The following ESRRG variants were observed in gnomAD, a reference collection of about 807,000 sequenced individuals.
The protein encoded by ESRRG is estrogen-related receptor gamma.
In ESRRG, 13 loss-of-function variants were observed where a neutral mutation model predicts 44.0. That is an observed-to-expected ratio of 0.30 (90% CI 0.19 to 0.47). ESRRG has a LOEUF of 0.47. Among genes scored for constraint, ESRRG ranks in the 20% least tolerant of loss-of-function variants. ESRRG has a pLI of 1.00. For synonymous variants in ESRRG, 215 were observed against 214.6 expected, an observed-to-expected ratio of 1.00 and a Z score of -0.02; for missense variants, 395 against 580.6, an observed-to-expected ratio of 0.68 and a Z score of 3.29.
chr1:217,098,245 CAG>C (rs1389150167), intron 1 of ESRRG, among the ~76,000 whole-genome samples: 1 of 152,106 alleles, frequency 6.6e-6, no homozygotes, highest in Non-Finnish European at 1.5e-5. Context: ...GAACCCTAGA[CAG>C]AGTCATCACA....
At chr1:216,708,381 A>G (rs1000789461) in intron 1 of ESRRG, among the ~76,000 whole-genome samples, 4 of 152,232 alleles carry the variant, frequency 2.6e-5, no homozygotes, top group Admixed American at 2.6e-4. Context: ...GTATTCTTTT[A>G]GTTAAGTTTA....
intron 1 of ESRRG, among the ~76,000 whole-genome samples, chr1:217,016,068 G>A (rs1222078178): frequency 1.3e-5 from 2 of 151,992 alleles, no homozygotes; most frequent in African/African-American, 4.8e-5. Flanking sequence ...GGAGTAGACT[G>A]GAAGGGAGAT....
At chr1:217,044,158 G>A (rs1041691103) in intron 1 of ESRRG, among the ~76,000 whole-genome samples, 25 of 152,144 alleles carry the variant, frequency 1.6e-4, no homozygotes, top group African/African-American at 5.8e-4. Context: ...CTCAAGGCAC[G>A]TCTTCTTCCT....
At chr1:217,073,474 T>C (rs2090871375) in intron 1 of ESRRG, among the ~76,000 whole-genome samples, 1 of 152,122 alleles carries the variant, frequency 6.6e-6, no homozygotes, top group Admixed American at 6.5e-5. Flanking sequence ...AATCAACAAA[T>C]AGTTACTGAG....
At chr1:216,821,342 C>A (rs1023850566) in intron 2 of ESRRG, among the ~76,000 whole-genome samples, 1 of 152,004 alleles carries the variant, frequency 6.6e-6, no homozygotes, top group Non-Finnish European at 1.5e-5. Context: ...TCCCACTGAA[C>A]CATTTGAAAT....
chr1:216,916,320 T>A (rs187093445), intron 2 of ESRRG, among the ~76,000 whole-genome samples: 1 of 152,364 alleles, frequency 6.6e-6, no homozygotes, highest in Non-Finnish European at 1.5e-5. Context: ...ATTTGTTTCA[T>A]GTCACCGTTC....
intron 5 of ESRRG, among the ~76,000 whole-genome samples, chr1:216,541,249 T>C (rs1558369697): frequency 6.6e-6 from 1 of 152,038 alleles, no homozygotes; most frequent in African/African-American, 2.4e-5. Context: ...ATATTTTAAT[T>C]GTGCTTCTTA....
chr1:216,954,504 A>G (rs1560244979), intron 1 of ESRRG, among the ~76,000 whole-genome samples: 1 of 152,168 alleles, frequency 6.6e-6, no homozygotes, highest in Non-Finnish European at 1.5e-5. Context: ...ACAAGAGCAG[A>G]GTGCATTATG....
At chr1:216,815,888 T>A (rs2095120654) in intron 2 of ESRRG, among the ~76,000 whole-genome samples, 1 of 152,176 alleles carries the variant, frequency 6.6e-6, no homozygotes. Context: ...ATTGGCCATA[T>A]GTTATTTGGT....
intron 2 of ESRRG, among the ~76,000 whole-genome samples, chr1:216,937,886 C>G (rs371299796): frequency 6.7e-6 from 1 of 150,292 alleles, no homozygotes; most frequent in Admixed American, 6.7e-5. Flanking sequence ...ATAGATTTAC[C>G]TTTTCCAAAC....
intron 2 of ESRRG, among the ~76,000 whole-genome samples, chr1:216,811,821 G>A (rs2094980233): frequency 6.6e-6 from 1 of 152,148 alleles, no homozygotes; most frequent in Admixed American, 6.6e-5. Context: ...TGAAAAAAGG[G>A]TTTCCATTTT....
At chr1:216,571,898 A>C (rs1304845332) in intron 3 of ESRRG, among the ~76,000 whole-genome samples, 1 of 152,158 alleles carries the variant, frequency 6.6e-6, no homozygotes, top group Non-Finnish European at 1.5e-5. Flanking sequence ...GGGACTCCAC[A>C]TGCAATATTA....
chr1:216,886,512 G>A (rs2096520210), intron 2 of ESRRG, among the ~76,000 whole-genome samples: 1 of 152,150 alleles, frequency 6.6e-6, no homozygotes, highest in African/African-American at 2.4e-5. Context: ...AAAAAGTATA[G>A]TAAAGAATTG....
chr1:216,784,859 T>G (rs1262439336), intron 2 of ESRRG, among the ~76,000 whole-genome samples: 7 of 152,072 alleles, frequency 4.6e-5, no homozygotes, highest in African/African-American at 1.2e-4. Flanking sequence ...GAATTATTCA[T>G]GCACTCCGAT....
chr1:217,071,976 G>A (rs1272136283), intron 1 of ESRRG, among the ~76,000 whole-genome samples: 1 of 152,088 alleles, frequency 6.6e-6, no homozygotes, highest in Non-Finnish European at 1.5e-5. Flanking sequence ...TAAACCAACT[G>A]GTATGTTGCC....
chr1:217,027,317 C>T (rs898015202), intron 1 of ESRRG, among the ~76,000 whole-genome samples: 15 of 152,098 alleles, frequency 9.9e-5, no homozygotes, highest in Admixed American at 9.2e-4. Context: ...ACAAGCACCC[C>T]CTTAGAGAAG....
intron 1 of ESRRG, among the ~76,000 whole-genome samples, chr1:217,005,816 G>A (rs1021404832): frequency 2.0e-5 from 3 of 152,102 alleles, no homozygotes; most frequent in Non-Finnish European, 2.9e-5. Flanking sequence ...AAGTCAAGTA[G>A]CCTATACAAA....
intron 1 of ESRRG, among the ~76,000 whole-genome samples, chr1:217,039,841 T>G (rs950617567): frequency 6.6e-6 from 1 of 152,086 alleles, no homozygotes; most frequent in East Asian, 1.9e-4. Context: ...GAAGACTGGC[T>G]TTTGTTTTTT....
In ESRRG at chr1:216,773,257, G is replaced by A. The variant is rs142623477; in HGVS notation, c.-13-95766C>T. 2.0e-3 allele frequency among the ~76,000 whole-genome samples: 299 copies of A among 152,206 alleles called. 2 individuals carry two copies. The highest frequency in any genetic ancestry group is 5.8e-3 in the Admixed American group (88 of 15,276). On this transcript the variant is annotated intron_variant, in intron 2 of 7. Transcript: ENST00000359162. ...ATTAGAAAATTGGATAGCTTACCAA[G>A]CAGATAAGGGATTCACCATGGAATT...
Sources: allele counts gnomAD v4.1 joint callset (sites outside exome capture counted in the v4.1 genomes callset), GRCh38; gene constraint gnomAD v4.1.1; transcripts MANE v1.5; gene names NCBI Gene and HGNC (gene_info 2026-07-23, HGNC 2026-07-21).